Variants in PARVB observed in about 807,000 individuals in gnomAD.
The protein encoded by PARVB is parvin beta, also known as beta-parvin.
A neutral mutation model predicts 47.0 loss-of-function variants in PARVB; 46 were observed. The observed-to-expected ratio is 0.98, with a 90% CI of 0.77 to 1.25. The LOEUF is 1.25. Ranked by LOEUF, PARVB falls within the 50% of genes most tolerant of loss-of-function variation. PARVB has a pLI of 0.00. For missense variants in PARVB, 473 were observed against 471.6 expected (o/e 1.00, Z -0.03); for synonymous variants, 196 against 196.3 (o/e 1.00, Z 0.01).
rs140214626 is a variant in PARVB at position 44,100,435 on chromosome 22, A to C, written c.273+312A>C. 3.7e-3 allele frequency among the ~76,000 whole-genome samples: 566 copies of C among 152,104 alleles called. 6 individuals carry two copies. Among genetic ancestry groups the C allele is most frequent in the African/African-American group, 0.013 (554 of 41,502 alleles). On this transcript the variant is annotated intron_variant, in intron 3 of 12. Coordinates refer to ENST00000338758, the MANE Select transcript of PARVB (RefSeq NM_013327.5). ...GAGTGCTGGCGTGAGCTAGTGTAGT[A>C]CCTTACAGATGGAGTTGGAACTCCG...
intron 12 of PARVB, 129 bp from the exon 13 acceptor site, chr22:44,168,473 G>A (rs972876957): frequency 1.5e-6 from 1 of 686,752 alleles, no homozygotes; most frequent in African/African-American, 1.8e-5. Flanking sequence ...GTGGTGGCCA[G>A]TCTTTAAGGG....
chr22:44,085,508 T>C (rs906941414), intron 1 of PARVB, among the ~76,000 whole-genome samples: 2 of 152,254 alleles, frequency 1.3e-5, no homozygotes, highest in East Asian at 3.9e-4. Context: ...TTTTGCCTTG[T>C]TGCCCCGCTG....
chr22:44,129,089 AAAAATT>A (rs2053253961), intron 4 of PARVB, among the ~76,000 whole-genome samples: 1 of 152,174 alleles, frequency 6.6e-6, no homozygotes, highest in African/African-American at 2.4e-5. Flanking sequence ...AAAAAAATAA[AAAAATT>A]AAAAGAGGTA....
chr22:44,052,368 G>A (rs75452136), intron 1 of PARVB, among the ~76,000 whole-genome samples: 3,734 of 152,242 alleles, frequency 0.025, 162 homozygotes, highest in African/African-American at 0.081. Flanking sequence ...AAGAAGGCCC[G>A]GGCCTGCTCT....
At chr22:44,165,844 G>A (rs962217262) in intron 12 of PARVB, among the ~76,000 whole-genome samples, 5 of 152,182 alleles carry the variant, frequency 3.3e-5, no homozygotes, top group African/African-American at 1.2e-4. Context: ...ACTGGAAGAG[G>A]GTCCTGCCCA....
At chr22:44,099,526 C>G (rs3216455) in intron 2 of PARVB, among the ~76,000 whole-genome samples, 32,899 of 151,120 alleles carry the variant, frequency 0.22, 4,556 homozygotes, top group African/African-American at 0.4. Flanking sequence ...CATCCCCCCC[C>G]ACCTTTTTTT....
At chr22:44,101,147 C>A (rs1414065212) in intron 3 of PARVB, among the ~76,000 whole-genome samples, 1 of 151,562 alleles carries the variant, frequency 6.6e-6, no homozygotes. Flanking sequence ...CGGTGGCTCA[C>A]GCCTGTAATC....
chr22:44,087,279 G>A (rs546546345), intron 1 of PARVB, among the ~76,000 whole-genome samples: 1 of 152,344 alleles, frequency 6.6e-6, no homozygotes, highest in East Asian at 1.9e-4. Context: ...CACGGATGGT[G>A]TAGAAAGTCC....
Position 44,151,525 on chromosome 22 carries a change from T to A in PARVB, c.817T>A (p.Leu273Met), listed in dbSNP as rs148038902. Residue 273 changes from leucine to methionine, a missense_variant, in exon 10 of 13, where the codon TTG (leucine) becomes ATG (methionine). Leu to Met is a conservative substitution (Grantham distance 15). Transcript: ENST00000338758. ...FVNKHLNKLNLEVTELETQFA... is the reference protein window; with the variant it reads ...FVNKHLNKLNMEVTELETQFA... The stretch of plus-strand genomic sequence containing the variant: ...GAACAAGCACCTGAACAAGCTGAAT[T>A]TGGAGGTGACGGAACTGGAGACCCA... 4 of 1,613,872 alleles carry A rather than the reference T, an allele frequency of 2.5e-6. No homozygotes were observed. Among genetic ancestry groups the A allele is most frequent in the Non-Finnish European group, 3.4e-6 (4 of 1,179,804 alleles).
chr22:43,999,822 A>G (rs1309232543), intron 2 of PARVB: 5 of 273,178 alleles, frequency 1.8e-5, no homozygotes, highest in Middle Eastern at 1.3e-3. Context: ...CATAGTGAAA[A>G]CCCATCTATA....
intron 1 of PARVB, among the ~76,000 whole-genome samples, chr22:44,041,693 A>G (rs1194790971): frequency 2.6e-5 from 4 of 151,426 alleles, no homozygotes; most frequent in Admixed American, 6.6e-5. Flanking sequence ...AGACCAGCCT[A>G]GGCTACATAG....
intron 1 of PARVB, among the ~76,000 whole-genome samples, chr22:44,065,944 C>T (rs1484626885): frequency 1.3e-5 from 2 of 151,920 alleles, no homozygotes; most frequent in Admixed American, 6.6e-5. Flanking sequence ...CATATATTTG[C>T]AATTGTGAAT....
At chr22:44,047,592 C>T (rs958969526) in intron 1 of PARVB, among the ~76,000 whole-genome samples, 3 of 151,948 alleles carry the variant, frequency 2.0e-5, no homozygotes, top group Non-Finnish European at 2.9e-5. Context: ...ACCCAGGAGG[C>T]GGAGTTTGCA....
intron 1 of PARVB, among the ~76,000 whole-genome samples, chr22:44,075,622 G>A (rs1436103133): frequency 6.6e-6 from 1 of 152,172 alleles, no homozygotes; most frequent in African/African-American, 2.4e-5. Flanking sequence ...CTCACTCCTG[G>A]CAACCTCTGC....
Position 44,161,881 on chromosome 22 carries a change from G to A in PARVB, c.946-1977G>A, listed in dbSNP as rs143376128. On this transcript the variant is annotated intron_variant, in intron 11 of 12. Transcript: ENST00000338758. ...GGCCATCCTCAGGCCCAGCCCTGGT[G>A]CAGCACTCCCGCATCTCCAGGCAGG... Among the ~76,000 whole-genome samples the A allele has an allele frequency of 5.7e-3, 861 of 152,318 alleles. 9 individuals are homozygous for A. The highest frequency in any genetic ancestry group is 0.02 in the African/African-American group (814 of 41,570).
At position 44,024,434 on chromosome 22, in the gene PARVB, A is replaced by C; in HGVS notation, c.95A>C (p.Lys32Thr). The C allele has an allele frequency of 8.3e-7, 1 of 1,208,740 alleles. No individual in the cohort carries two copies. Among genetic ancestry groups the C allele is most frequent in the Non-Finnish European group, 1.0e-6 (1 of 963,868 alleles). 74.9% of individuals were successfully genotyped at this position (1,208,740 alleles called of 1,614,324 possible). A position where few individuals can be genotyped will look rare whatever the true frequency, so the allele number is the denominator to read the frequency against. Reference sequence around the variant, plus strand: ...AAGCTGGGCGGCACCCTGGCCAGGAAGCGGAGGGCGCGCGAGGGTGAGTGC... The same window carrying C: ...AAGCTGGGCGGCACCCTGGCCAGGACGCGGAGGGCGCGCGAGGGTGAGTGC... ...LGKLGGTLAR[K>T]RRAREVSDLQ... Residue 32 changes from lysine to threonine, a missense_variant, in exon 1 of 13, where the codon AAG becomes ACG. By Grantham distance (78) the Lys-to-Thr change is moderately conservative (BLOSUM62 -1). Coordinates refer to ENST00000338758, the MANE Select transcript of PARVB (RefSeq NM_013327.5).
At position 44,048,989 on chromosome 22, in the gene PARVB, C is replaced by A. The variant is rs555502972; in HGVS notation, c.112+24538C>A. On this transcript the variant is annotated intron_variant, in intron 1 of 12. Transcript: ENST00000338758. ...ACAGGTGTGAACCACTGCGCCTGGC[C>A]TATTTCACTCCATTTTGCCGAGGAG... is the stretch of plus-strand genomic sequence containing the variant. 4.6e-5 allele frequency among the ~76,000 whole-genome samples: 7 copies of A among 152,320 alleles called. No homozygotes were observed. In the East Asian group the frequency reaches 1.4e-3, roughly 29 times the overall value.
At position 44,155,003 on chromosome 22, in the gene PARVB, TG is replaced by T. The variant is rs1344335950; in HGVS notation, c.844-2977del. On this transcript the variant is annotated intron_variant, in intron 10 of 12. Transcript: ENST00000338758. The surrounding 1 kb of genome is among the most constrained non-coding windows in gnomAD (Gnocchi z 4.8). ...GTGTGTGTGGTTTTTGTAGTCTGTG[TG>T]GTGTGTGTGTGTGGTTTTTGTAGTC... Among the ~76,000 whole-genome samples, 5,710 of 124,350 alleles carry T rather than the reference TG, an allele frequency of 0.046. 499 individuals carry two copies. The highest frequency in any genetic ancestry group is 0.16 in the African/African-American group (5,352 of 34,006). The allele number at this position is 124,350 out of a possible 152,430, so 81.6% of individuals were successfully genotyped here. A position where few individuals can be genotyped will look rare whatever the true frequency, so the allele number is the denominator to read the frequency against.
At position 44,027,813 on chromosome 22, in the gene PARVB, G is replaced by A. The variant is rs764458852; in HGVS notation, c.112+3362G>A. On this transcript the variant is annotated intron_variant, in intron 1 of 12. Transcript: ENST00000338758. ...CTTGGGAAGCTGAGGCAGGAGAATC[G>A]CTTGAACCTGGGAGGTGGAGGTTGC... Among the ~76,000 whole-genome samples the A allele has an allele frequency of 5.1e-4, 78 of 151,584 alleles. 1 individual carries two copies. Among genetic ancestry groups the A allele is most frequent in the Non-Finnish European group, 1.3e-4 (9 of 67,908 alleles).
Sources: gnomAD v4.1 joint callset for allele counts (sites outside exome capture counted in the v4.1 genomes callset) on GRCh38, gnomAD v4.1.1 for gene constraint, Gnocchi (gnomAD v3.1) non-coding constraint, MANE v1.5 for transcripts, NCBI Gene and HGNC (gene_info 2026-07-23, HGNC 2026-07-21) for gene names.